The following TPRG1 variants were observed in gnomAD, a reference collection of about 807,000 sequenced individuals.
TPRG1 encodes tumor protein p63-regulated gene 1 protein.
A neutral mutation model predicts 29.3 loss-of-function variants in TPRG1; 29 were observed. That is an observed-to-expected ratio of 0.99 (90% CI 0.74 to 1.35). The LOEUF (loss-of-function observed/expected upper bound fraction) is 1.35. Ranked by LOEUF, TPRG1 falls within the 40% of genes most tolerant of loss-of-function variation. The probability of loss-of-function intolerance (pLI) is 0.00; values close to 1 mark genes in which losing one functional copy is unlikely to be tolerated. For synonymous variants in TPRG1, 130 were observed against 116.8 expected, an observed-to-expected ratio of 1.11 and a Z score of -0.73; for missense variants, 327 against 335.0, an observed-to-expected ratio of 0.98 and a Z score of 0.19.
Position 189,018,806 on chromosome 3 carries a change from G to A in TPRG1, c.-659-4944G>A, listed in dbSNP as rs1194286511. On this transcript the variant is annotated intron_variant, in intron 3 of 10. Coordinates refer to the TPRG1 transcript ENST00000433971. ...GCTTGATGGGGATGGCATTGAATCTGTAAATTACCTTGGGCAGTATGGCCA... is the reference window on the plus strand; with the variant it reads ...GCTTGATGGGGATGGCATTGAATCTATAAATTACCTTGGGCAGTATGGCCA... Among the ~76,000 whole-genome samples the A allele has an allele frequency of 3.6e-3, 526 of 147,210 alleles. 3 individuals are homozygous for A. The highest frequency in any genetic ancestry group is 0.014 in the Middle Eastern group (4 of 282).
At chr3:189,251,278 G>A (rs1742209664) in intron 4 of TPRG1, among the ~76,000 whole-genome samples, 1 of 152,128 alleles carries the variant, frequency 6.6e-6, no homozygotes, top group Non-Finnish European at 1.5e-5. Context: ...GTTTTATGCA[G>A]TTTGCCTTTG....
At chr3:189,309,814 G>A (rs1261043335) in intron 4 of TPRG1, 1 of 152,226 alleles carries the variant, frequency 6.6e-6, no homozygotes, top group African/African-American at 2.4e-5. Flanking sequence ...GCTTTGACAT[G>A]TTTGTTGCTG....
At chr3:189,110,775 T>C (rs1052490566) in intron 1 of TPRG1, among the ~76,000 whole-genome samples, 1 of 152,032 alleles carries the variant, frequency 6.6e-6, no homozygotes, top group African/African-American at 2.4e-5. Context: ...TTTTGCTTTG[T>C]GCAAATGGGC....
chr3:189,042,683 C>T (rs1207865633), intron 4 of TPRG1, among the ~76,000 whole-genome samples: 1 of 151,790 alleles, frequency 6.6e-6, no homozygotes, highest in Non-Finnish European at 1.5e-5. Flanking sequence ...CTTGATGATC[C>T]CTCATGAAAA....
In TPRG1 at chr3:188,998,034, A is replaced by C. The variant is rs528100024; in HGVS notation, c.-1015-2740A>C. ...CCCTCCCTCACTCATTTGTTCAATTAAAAAACATACAAAGTTCTTGCTAAG... is the reference window on the plus strand; with the variant it reads ...CCCTCCCTCACTCATTTGTTCAATTCAAAAACATACAAAGTTCTTGCTAAG... On this transcript the variant is annotated intron_variant, in intron 1 of 10. Transcript: ENST00000433971. Among the ~76,000 whole-genome samples the C allele has an allele frequency of 7.9e-5, 12 of 152,256 alleles. No homozygotes were observed. In the East Asian group the frequency reaches 2.3e-3, roughly 29 times the overall value.
intron 4 of TPRG1, among the ~76,000 whole-genome samples, chr3:189,295,203 G>A (rs548544266): frequency 1.3e-5 from 2 of 152,246 alleles, no homozygotes; most frequent in South Asian, 2.1e-4. Flanking sequence ...TGTAATGAAA[G>A]CTTCTCCCCT....
At chr3:189,047,233 C>T (rs1234584865) in intron 4 of TPRG1, among the ~76,000 whole-genome samples, 1 of 152,088 alleles carries the variant, frequency 6.6e-6, no homozygotes, top group Non-Finnish European at 1.5e-5. Flanking sequence ...ACTCTACTGT[C>T]TAAAGCAATA....
intron 1 of TPRG1, among the ~76,000 whole-genome samples, chr3:189,195,773 C>T (rs1162503470): frequency 6.6e-6 from 1 of 152,124 alleles, no homozygotes; most frequent in African/African-American, 2.4e-5. Flanking sequence ...TTGTTGTAGA[C>T]AGAAGTTCCT....
At chr3:189,225,178 A>C (rs1014065968) in intron 3 of TPRG1, among the ~76,000 whole-genome samples, 1 of 151,766 alleles carries the variant, frequency 6.6e-6, no homozygotes, top group Non-Finnish European at 1.5e-5. Context: ...TGATCCGCCC[A>C]CCTCGGTCTC....
intron 3 of TPRG1, among the ~76,000 whole-genome samples, chr3:189,008,772 A>T (rs1417976650): frequency 7.2e-5 from 11 of 152,190 alleles, no homozygotes; most frequent in Non-Finnish European, 1.3e-4. Context: ...TCAAAATTGT[A>T]TGGAAAAGGA....
intron 1 of TPRG1, among the ~76,000 whole-genome samples, chr3:188,998,319 T>C (rs1711893442): frequency 6.6e-6 from 1 of 152,260 alleles, no homozygotes; most frequent in Admixed American, 6.5e-5. Context: ...AGAAGCTAGC[T>C]CTGAGAAAGT....
At chr3:189,035,333 C>G (rs1037534837) in intron 4 of TPRG1, among the ~76,000 whole-genome samples, 8 of 152,110 alleles carry the variant, frequency 5.3e-5, no homozygotes, top group African/African-American at 1.9e-4. Context: ...CTATAAAAAC[C>G]TAGAAGCAAA....
chr3:189,219,601 T>A (rs1736633472), intron 3 of TPRG1: 6 of 1,288,824 alleles, frequency 4.7e-6, no homozygotes, highest in Non-Finnish European at 5.1e-6. Context: ...AAGGAGAACA[T>A]CTTGACACTT....
At chr3:189,257,477 T>A (rs1712111865) in intron 4 of TPRG1, among the ~76,000 whole-genome samples, 1 of 152,318 alleles carries the variant, frequency 6.6e-6, no homozygotes, top group Middle Eastern at 3.4e-3. Flanking sequence ...CTGATGATTA[T>A]GTGTGTTGGG....
At chr3:189,215,197 G>A (rs2108838367) in intron 2 of TPRG1, 95 bp from the exon 3 acceptor site, 1 of 1,004,296 alleles carries the variant, frequency 1.0e-6, no homozygotes, top group Non-Finnish European at 1.4e-6. Context: ...TTTGTGACCA[G>A]CTTTCCGGAG....
intron 3 of TPRG1, among the ~76,000 whole-genome samples, chr3:189,221,743 C>G (rs1282982323): frequency 6.6e-6 from 1 of 152,202 alleles, no homozygotes; most frequent in African/African-American, 2.4e-5. Flanking sequence ...CAAAGTGACA[C>G]TGTGTGTGGT....
In TPRG1 at chr3:189,041,975, T is replaced by C. The variant is rs1714661670; in HGVS notation, c.-463+18029T>C. 2.6e-5 allele frequency among the ~76,000 whole-genome samples: 4 copies of C among 152,270 alleles called. No individual in the cohort carries two copies. The South Asian group carries it at 8.3e-4, about 32-fold the overall frequency. ...AATAATTTGGATTCTGATATGAAAA[T>C]CAACTTCCCTACCTCCAGCCTTAGG... On this transcript the variant is annotated intron_variant, in intron 4 of 10. Coordinates refer to the TPRG1 transcript ENST00000433971.
chr3:189,074,978 AT>A (rs1310703886), intron 4 of TPRG1, among the ~76,000 whole-genome samples: 2 of 151,428 alleles, frequency 1.3e-5, no homozygotes, highest in South Asian at 2.1e-4. Context: ...CGCCCGGCTA[AT>A]TTTTTGTATT....
intron 3 of TPRG1, among the ~76,000 whole-genome samples, chr3:189,015,020 T>A (rs755062276): frequency 6.6e-6 from 1 of 152,150 alleles, no homozygotes. Flanking sequence ...CAGAAGAAGA[T>A]AAGATGACGC....
Sources: allele counts gnomAD v4.1 joint callset (sites outside exome capture counted in the v4.1 genomes callset), GRCh38; gene constraint gnomAD v4.1.1; transcripts MANE v1.5; gene names NCBI Gene and HGNC (gene_info 2026-07-23, HGNC 2026-07-21).